The following FBXO42 variants were observed in gnomAD, a reference collection of about 807,000 sequenced individuals.
FBXO42 encodes the protein F-box only protein 42.
FBXO42 carries 12 observed loss-of-function variants against 71.7 expected under a neutral mutation model. The ratio of observed to expected loss-of-function variants is 0.17; its 90% CI spans 0.11 to 0.27. The LOEUF (loss-of-function observed/expected upper bound fraction) is 0.27. Ranked by LOEUF, FBXO42 falls within the 10% of genes least tolerant of loss-of-function variation. The pLI, the probability that FBXO42 is intolerant of heterozygous loss-of-function variation, is 1.00. For missense variants in FBXO42, 707 were observed against 911.9 expected (o/e 0.78, Z 2.89); for synonymous variants, 325 against 327.5 (o/e 0.99, Z 0.08).
chr1:16,350,607 C>T (rs1455159422), intron 1 of FBXO42, among the ~76,000 whole-genome samples: 1 of 143,466 alleles, frequency 7.0e-6, no homozygotes, highest in African/African-American at 2.6e-5. Context: ...AATTAGCGGG[C>T]GTGGTGGCGC....
chr1:16,350,757 A>AAAAG (rs559971807), intron 1 of FBXO42, among the ~76,000 whole-genome samples: 1,600 of 44,206 alleles, frequency 0.036, 81 homozygotes, highest in African/African-American at 0.069. Context: ...AAAAAAAAAA[A>AAAAG]AAAGAAAGAA....
chr1:16,298,451 C>T (rs1251608855), intron 3 of FBXO42, among the ~76,000 whole-genome samples: 1 of 152,144 alleles, frequency 6.6e-6, no homozygotes, highest in African/African-American at 2.4e-5. Flanking sequence ...AGTAAAAGCA[C>T]ATTCTTCTCC....
At chr1:16,341,879 G>C (rs2082607949) in intron 1 of FBXO42, among the ~76,000 whole-genome samples, 2 of 151,258 alleles carry the variant, frequency 1.3e-5, no homozygotes, top group South Asian at 2.1e-4. Context: ...GCTGAGGAAG[G>C]AGAATCGCTT....
At chr1:16,352,178 C>T (rs902092743) in intron 1 of FBXO42, 77 bp downstream of exon 1, 3 of 391,194 alleles carry the variant, frequency 7.7e-6, no homozygotes, top group African/African-American at 4.1e-5. Context: ...GCGCCCGCTG[C>T]CCCTTGCCAG....
intron 4 of FBXO42, among the ~76,000 whole-genome samples, chr1:16,279,857 T>C (rs2100497121): frequency 6.9e-6 from 1 of 144,504 alleles, no homozygotes. Flanking sequence ...TTTTTTTCTT[T>C]TTTTTTTGAG....
Position 16,271,244 on chromosome 1 carries a change from TGCG to T in FBXO42, c.503-14488_503-14486del, listed in dbSNP as rs1416959109. Among the ~76,000 whole-genome samples, 3 of 143,194 alleles carry T rather than the reference TGCG, an allele frequency of 2.1e-5. No homozygotes were observed. In the Admixed American group the frequency reaches 2.2e-4, roughly 11 times the overall value. 93.9% of individuals were successfully genotyped at this position (143,194 alleles called of 152,430 possible). The stretch of plus-strand genomic sequence containing the variant: ...CATACTTTGATCCCTAACTACTGTG[TGCG>T]TGTGTGTGTTGGTGTGTGTGTGTGT... On this transcript the variant is annotated intron_variant, in intron 4 of 9. Coordinates refer to ENST00000375592, the MANE Select transcript of FBXO42 (RefSeq NM_018994.3).
intron 2 of FBXO42, among the ~76,000 whole-genome samples, chr1:16,314,103 C>G (rs1175078129): frequency 6.6e-6 from 1 of 152,066 alleles, no homozygotes; most frequent in Non-Finnish European, 1.5e-5. Flanking sequence ...AGGTGCCCAC[C>G]ACCACACCTG....
At chr1:16,343,401 C>T (rs1331402554) in intron 1 of FBXO42, among the ~76,000 whole-genome samples, 1 of 152,004 alleles carries the variant, frequency 6.6e-6, no homozygotes, top group Non-Finnish European at 1.5e-5. Flanking sequence ...AAAAAATTAG[C>T]CTGGCATGGT....
intron 6 of FBXO42, among the ~76,000 whole-genome samples, chr1:16,254,559 G>A (rs2081620654): frequency 6.6e-6 from 1 of 152,166 alleles, no homozygotes; most frequent in South Asian, 2.1e-4. Flanking sequence ...AAAAATACAG[G>A]AATAATAGTT....
intron 1 of FBXO42, among the ~76,000 whole-genome samples, chr1:16,345,926 G>T (rs1450982273): frequency 6.6e-6 from 1 of 151,190 alleles, no homozygotes; most frequent in Non-Finnish European, 1.5e-5. Flanking sequence ...GATACAAGGT[G>T]AATCCGGGAT....
At chr1:16,258,242 T>C (rs1461590786) in intron 4 of FBXO42, among the ~76,000 whole-genome samples, 1 of 152,214 alleles carries the variant, frequency 6.6e-6, no homozygotes, top group African/African-American at 2.4e-5. Flanking sequence ...CAGAGGACTG[T>C]CTTTCTTGTG....
intron 1 of FBXO42, among the ~76,000 whole-genome samples, chr1:16,344,141 G>A (rs1204841137): frequency 6.6e-6 from 1 of 151,710 alleles, no homozygotes; most frequent in Non-Finnish European, 1.5e-5. Flanking sequence ...GGAATTACAG[G>A]CATGTGCCAC....
intron 4 of FBXO42, chr1:16,292,862 G>T (rs1324443809): frequency 6.6e-6 from 1 of 152,166 alleles, no homozygotes; most frequent in Non-Finnish European, 1.5e-5. Flanking sequence ...GTGGCAATAG[G>T]ATGCTTAAGC....
chr1:16,337,998 A>G (rs113138930), intron 1 of FBXO42, among the ~76,000 whole-genome samples: 1 of 147,022 alleles, frequency 6.8e-6, no homozygotes, highest in African/African-American at 2.5e-5. Context: ...GGTGGCTCAC[A>G]CCTGTAATCC....
chr1:16,279,880 T>G (rs572131097), intron 4 of FBXO42, among the ~76,000 whole-genome samples: 19 of 122,536 alleles, frequency 1.6e-4, no homozygotes, highest in Admixed American at 8.5e-4. Context: ...AGAGTCTTGC[T>G]TTGTTGCCCA....
chr1:16,272,482 C>T (rs2081857642), intron 4 of FBXO42, among the ~76,000 whole-genome samples: 1 of 152,146 alleles, frequency 6.6e-6, no homozygotes, highest in Non-Finnish European at 1.5e-5. Context: ...TGGTTTCGAA[C>T]TCCTGACCTC....
intron 4 of FBXO42, among the ~76,000 whole-genome samples, chr1:16,259,129 G>C (rs1277213776): frequency 6.6e-6 from 1 of 152,190 alleles, no homozygotes; most frequent in Non-Finnish European, 1.5e-5. Flanking sequence ...TGATTAAAGA[G>C]GCTGTTGTCT....
intron 3 of FBXO42, 57 bp from the exon 4 acceptor site, chr1:16,294,974 T>G (rs961970237): frequency 3.3e-6 from 5 of 1,520,836 alleles, no homozygotes; most frequent in South Asian, 1.3e-5. Context: ...TTCCAACATT[T>G]TAACCATAAC....
intron 1 of FBXO42, among the ~76,000 whole-genome samples, chr1:16,331,014 G>C (rs1322959408): frequency 6.7e-6 from 1 of 148,750 alleles, no homozygotes; most frequent in Non-Finnish European, 1.5e-5. Flanking sequence ...CCAACTACTG[G>C]GGAGGCTGAG....
Sources: gnomAD v4.1 joint callset for allele counts (sites outside exome capture counted in the v4.1 genomes callset) on GRCh38, gnomAD v4.1.1 for gene constraint, MANE v1.5 for transcripts, NCBI Gene and HGNC (gene_info 2026-07-23, HGNC 2026-07-21) for gene names.